MPDZ: variants seen among roughly 807,000 people sequenced by gnomAD.
MPDZ encodes the protein multiple PDZ domain protein.
A neutral mutation model predicts 239.1 loss-of-function variants in MPDZ; 234 were observed. The ratio of observed to expected loss-of-function variants is 0.98; its 90% CI spans 0.88 to 1.09. The LOEUF (loss-of-function observed/expected upper bound fraction) is 1.09, where lower values mean the gene tolerates loss of function less well. Ranked by LOEUF, MPDZ falls within the 50% of genes least tolerant of loss-of-function variation. The pLI, the probability that MPDZ is intolerant of heterozygous loss-of-function variation, is 0.00. For missense variants in MPDZ, 3,175 were observed against 2,510.0 expected (o/e 1.26, Z -5.66); for synonymous variants, 1,048 against 881.3 (o/e 1.19, Z -3.35).
At chr9:13,174,884 C>G (rs1324589794) in intron 21 of MPDZ, among the ~76,000 whole-genome samples, 1 of 152,184 alleles carries the variant, frequency 6.6e-6, no homozygotes, top group Non-Finnish European at 1.5e-5. Flanking sequence ...GAGACCAAGG[C>G]TGAAATCCCA....
chr9:13,189,762 T>C (rs2134909790), intron 16 of MPDZ, among the ~76,000 whole-genome samples: 1 of 152,274 alleles, frequency 6.6e-6, no homozygotes, highest in Non-Finnish European at 1.5e-5. Flanking sequence ...AGCATTCATG[T>C]TATAGACAAA....
intron 10 of MPDZ, among the ~76,000 whole-genome samples, chr9:13,207,944 A>C (rs1957177812): frequency 6.6e-6 from 1 of 152,220 alleles, no homozygotes; most frequent in African/African-American, 2.4e-5. Context: ...CAGAGCAATA[A>C]ATTTAATGCT....
At chr9:13,209,987 C>T (rs1389024415) in intron 10 of MPDZ, among the ~76,000 whole-genome samples, 1 of 142,962 alleles carries the variant, frequency 7.0e-6, no homozygotes, top group Non-Finnish European at 1.5e-5. Context: ...GGAAAAAAAT[C>T]AAAGAAAGGA....
intron 39 of MPDZ, among the ~76,000 whole-genome samples, chr9:13,115,995 C>G (rs1415253747): frequency 6.7e-6 from 1 of 148,776 alleles, no homozygotes; most frequent in Non-Finnish European, 1.5e-5. Context: ...AAAACCACCA[C>G]TACCACCACC....
chr9:13,245,075 T>C (rs891526863), intron 3 of MPDZ, among the ~76,000 whole-genome samples: 5 of 152,126 alleles, frequency 3.3e-5, no homozygotes, highest in Non-Finnish European at 5.9e-5. Flanking sequence ...TTGGTCAGAT[T>C]TGTGTAGCCA....
At chr9:13,223,475 G>T in intron 5 of MPDZ, 96 bp downstream of exon 5, 2 of 1,364,046 alleles carry the variant, frequency 1.5e-6, no homozygotes, top group Non-Finnish European at 9.7e-7. Flanking sequence ...TCAATTTTTT[G>T]TTGCCATTCA....
rs528963155 is a variant in MPDZ at position 13,209,810 on chromosome 9, T to C, written c.1291-3711A>G. On this transcript the variant is annotated intron_variant, in intron 10 of 46. Coordinates refer to ENST00000319217, the MANE Select transcript of MPDZ (RefSeq NM_001378778.1). ...TGAAGGCAGTCAACAAGATTTTAAGTACTGCAAAAACAAAGTCCAGGTCAT... is the reference window on the plus strand; with the variant it reads ...TGAAGGCAGTCAACAAGATTTTAAGCACTGCAAAAACAAAGTCCAGGTCAT... Among the ~76,000 whole-genome samples, 10 of 152,204 alleles carry C rather than the reference T, an allele frequency of 6.6e-5. No homozygotes were observed. The South Asian group carries it at 2.1e-3, about 32-fold the overall frequency.
intron 24 of MPDZ, among the ~76,000 whole-genome samples, chr9:13,154,685 G>A (rs1378745769): frequency 6.6e-6 from 1 of 152,040 alleles, no homozygotes; most frequent in East Asian, 1.9e-4. Context: ...GGTGATGAAG[G>A]TGATGATTAC....
intron 19 of MPDZ, among the ~76,000 whole-genome samples, chr9:13,182,674 C>A (rs949772934): frequency 5.3e-5 from 8 of 151,756 alleles, no homozygotes; most frequent in Non-Finnish European, 1.2e-4. Flanking sequence ...ATGAAAAAAA[C>A]ATTCATTCTC....
intron 23 of MPDZ, among the ~76,000 whole-genome samples, chr9:13,158,421 T>C (rs900906494): frequency 5.9e-5 from 9 of 152,228 alleles, no homozygotes; most frequent in Admixed American, 2.6e-4. Context: ...AATACCAAGT[T>C]TGTAAAGAAA....
chr9:13,237,234 G>A (rs1481780177), intron 3 of MPDZ, among the ~76,000 whole-genome samples: 1 of 151,742 alleles, frequency 6.6e-6, no homozygotes. Context: ...CTTGAGTCCA[G>A]GAGTTCGAGA....
At position 13,106,749 on chromosome 9, in the gene MPDZ, C is replaced by G; in HGVS notation, c.*216G>C. 1 of 510,038 alleles carries G rather than the reference C, an allele frequency of 2.0e-6. No homozygotes were observed. Among genetic ancestry groups the G allele is most frequent in the South Asian group, 3.8e-5 (1 of 26,312 alleles). 31.6% of individuals were successfully genotyped at this position (510,038 alleles called of 1,614,324 possible). ...ATTCACCTACACAAATATTCCTTCT[C>G]TTTAAGTTCACAAAATGCAAGAAGA... On this transcript the variant is annotated 3_prime_UTR_variant, in exon 47 of 47. Coordinates refer to ENST00000319217, the MANE Select transcript of MPDZ (RefSeq NM_001378778.1).
chr9:13,266,559 CTTAA>C (rs879720204), intron 1 of MPDZ, among the ~76,000 whole-genome samples: 3 of 152,150 alleles, frequency 2.0e-5, no homozygotes, highest in African/African-American at 4.8e-5. Context: ...AATTATCAAT[CTTAA>C]TTATTTGAAG....
At chr9:13,208,288 A>T (rs2135770286) in intron 10 of MPDZ, among the ~76,000 whole-genome samples, 2 of 152,262 alleles carry the variant, frequency 1.3e-5, no homozygotes, top group East Asian at 3.9e-4. Flanking sequence ...TATAAAAAAC[A>T]GAAAAATTAC....
intron 1 of MPDZ, among the ~76,000 whole-genome samples, chr9:13,256,268 G>C (rs781105735): frequency 7.2e-5 from 11 of 152,176 alleles, no homozygotes; most frequent in Admixed American, 3.3e-4. Context: ...TGGCTGATTT[G>C]ATCTTCTATC....
At chr9:13,258,409 G>C (rs932090648) in intron 1 of MPDZ, among the ~76,000 whole-genome samples, 4 of 152,194 alleles carry the variant, frequency 2.6e-5, no homozygotes, top group South Asian at 2.1e-4. Context: ...TCAATGGCTT[G>C]CAGCTTGTCA....
chr9:13,126,744 C>T lies in MPDZ; in HGVS notation c.4493G>A (p.Ser1498Asn), dbSNP rs767162124. 1.2e-5 allele frequency: 20 copies of T among 1,613,880 alleles called. No homozygotes were observed. The highest frequency in any genetic ancestry group is 1.7e-5 in the Admixed American group (1 of 60,008). ...GACTCCACTGAGTGTATCTTCTTCG[C>T]TGATAGCAATACCCAAACCCCCCTG... ...KDQGGLGIAI[S>N]EEDTLSGVII... The change falls in exon 33 of 47, where the codon AGC becomes AAC. Residue 1498 changes from serine (S) to asparagine (N), a missense_variant. Ser to Asn is a conservative substitution (Grantham distance 46). Coordinates refer to ENST00000319217, the MANE Select transcript of MPDZ (RefSeq NM_001378778.1).
intron 5 of MPDZ, 129 bp downstream of exon 5, chr9:13,223,442 A>T: frequency 9.3e-7 from 1 of 1,070,114 alleles, no homozygotes. Flanking sequence ...GACTTCTAAA[A>T]ACTGGTTAAT....
intron 23 of MPDZ, among the ~76,000 whole-genome samples, chr9:13,162,167 G>A (rs1233897692): frequency 6.6e-6 from 1 of 151,914 alleles, no homozygotes; most frequent in East Asian, 1.9e-4. Context: ...GGGAGGCTGA[G>A]GTGGGAGGAT....
Sources: gnomAD v4.1 joint callset for allele counts (sites outside exome capture counted in the v4.1 genomes callset) on GRCh38, gnomAD v4.1.1 for gene constraint, MANE v1.5 for transcripts, NCBI Gene and HGNC (gene_info 2026-07-23, HGNC 2026-07-21) for gene names.